BLOC1S5: variants seen among roughly 807,000 people sequenced by gnomAD.
The protein encoded by BLOC1S5 is biogenesis of lysosomal organelles complex 1 subunit 5, also known as biogenesis of lysosome-related organelles complex 1 subunit 5.
Under a neutral mutation model 24.3 loss-of-function variants are expected in BLOC1S5, and 27 were observed. The observed-to-expected ratio is 1.11, with a 90% CI of 0.82 to 1.53. BLOC1S5 has a LOEUF of 1.53. Among genes scored for constraint, BLOC1S5 ranks in the 40% most tolerant of loss-of-function variants. The pLI is 0.00. For missense variants in BLOC1S5, 239 were observed against 229.4 expected (o/e 1.04, Z -0.27); for synonymous variants, 84 against 74.5 (o/e 1.13, Z -0.66).
intron 3 of BLOC1S5, among the ~76,000 whole-genome samples, chr6:8,034,727 T>C (rs1217764366): frequency 6.6e-6 from 1 of 152,196 alleles, no homozygotes; most frequent in Non-Finnish European, 1.5e-5. Flanking sequence ...TGGAAGACAG[T>C]GTGGAGATTC....
chr6:8,057,000 T>C (rs1764332252), intron 2 of BLOC1S5, among the ~76,000 whole-genome samples: 1 of 152,192 alleles, frequency 6.6e-6, no homozygotes, highest in African/African-American at 2.4e-5. Flanking sequence ...TTGGATCACC[T>C]GAGGTCAGGA....
chr6:8,048,096 A>T (rs994138755), intron 2 of BLOC1S5, among the ~76,000 whole-genome samples: 10 of 152,214 alleles, frequency 6.6e-5, no homozygotes, highest in Non-Finnish European at 1.5e-4. Context: ...TTTTCAATCC[A>T]TTGCAGTATT....
intron 3 of BLOC1S5, among the ~76,000 whole-genome samples, chr6:8,040,726 C>T (rs915889960): frequency 6.6e-5 from 10 of 151,890 alleles, no homozygotes; most frequent in African/African-American, 1.7e-4. Context: ...CATGGTGAGA[C>T]GCACCTGTAG....
intron 2 of BLOC1S5, among the ~76,000 whole-genome samples, chr6:8,049,958 C>T (rs981439445): frequency 3.3e-5 from 5 of 152,126 alleles, no homozygotes; most frequent in Admixed American, 6.6e-5. Flanking sequence ...GCGATCCACC[C>T]ACCTCAGCCT....
intron 4 of BLOC1S5, 83 bp downstream of exon 4, chr6:8,026,284 A>G (rs1763100388): frequency 1.7e-6 from 2 of 1,154,552 alleles, no homozygotes; most frequent in Non-Finnish European, 2.6e-6. Flanking sequence ...CATTCAGAGA[A>G]TTTTCTGATC....
At chr6:8,064,140 C>A in intron 1 of BLOC1S5, 125 bp downstream of exon 1, 2 of 722,216 alleles carry the variant, frequency 2.8e-6, no homozygotes, top group Admixed American at 7.6e-5. Context: ...ACCACGACTC[C>A]CCCACCCGCA....
intron 3 of BLOC1S5, chr6:8,027,446 T>C (rs976953676): frequency 4.4e-6 from 2 of 456,646 alleles, no homozygotes; most frequent in East Asian, 6.9e-5. Context: ...AGAAGTGACA[T>C]AAAATTTAAA....
At chr6:8,026,032 A>G (rs2113527582) in intron 4 of BLOC1S5, among the ~76,000 whole-genome samples, 1 of 152,300 alleles carries the variant, frequency 6.6e-6, no homozygotes, top group Non-Finnish European at 1.5e-5. Context: ...AATATACTCA[A>G]TACTTCAGGC....
intron 2 of BLOC1S5, among the ~76,000 whole-genome samples, chr6:8,042,258 T>C (rs1246041110): frequency 1.3e-5 from 2 of 152,238 alleles, no homozygotes; most frequent in Non-Finnish European, 2.9e-5. Context: ...CTAACTATCA[T>C]ATAGCTTCTG....
chr6:8,047,557 T>C (rs1262397799), intron 2 of BLOC1S5, among the ~76,000 whole-genome samples: 2 of 152,192 alleles, frequency 1.3e-5, no homozygotes, highest in Non-Finnish European at 2.9e-5. Context: ...TATACTGCAA[T>C]TGATTAATAT....
chr6:8,027,510 G>A (rs1353772325), intron 3 of BLOC1S5: 1 of 448,536 alleles, frequency 2.2e-6, no homozygotes, highest in Non-Finnish European at 4.5e-6. Flanking sequence ...TATTAATAAT[G>A]ATAACCACTT....
chr6:8,034,974 T>C (rs576968726), intron 3 of BLOC1S5, among the ~76,000 whole-genome samples: 29 of 150,068 alleles, frequency 1.9e-4, no homozygotes, highest in South Asian at 4.2e-4. Flanking sequence ...CACACACACA[T>C]ACACATATAC....
chr6:8,047,774 AG>A (rs1337057512), intron 2 of BLOC1S5, among the ~76,000 whole-genome samples: 1 of 152,126 alleles, frequency 6.6e-6, no homozygotes, highest in Non-Finnish European at 1.5e-5. Flanking sequence ...GATCAAATTC[AG>A]GGTTCTGTTT....
intron 4 of BLOC1S5, among the ~76,000 whole-genome samples, chr6:8,018,939 C>T (rs539383562): frequency 6.6e-6 from 1 of 152,336 alleles, no homozygotes; most frequent in South Asian, 2.1e-4. Context: ...TCAATTTAAT[C>T]CTGGATGTAA....
intron 4 of BLOC1S5, among the ~76,000 whole-genome samples, chr6:8,016,739 A>G (rs1369426806): frequency 6.6e-6 from 1 of 151,702 alleles, no homozygotes; most frequent in African/African-American, 2.4e-5. Context: ...GGTGGCGTGC[A>G]CCTGTGATCC....
At chr6:8,052,910 G>A (rs1225662744) in intron 2 of BLOC1S5, among the ~76,000 whole-genome samples, 2 of 135,566 alleles carry the variant, frequency 1.5e-5, no homozygotes, top group African/African-American at 6.9e-5. Flanking sequence ...AAAAAAAAAA[G>A]AAGTGGAGCC....
chr6:8,027,691 G>A (rs1263907510), intron 3 of BLOC1S5, among the ~76,000 whole-genome samples: 2 of 152,026 alleles, frequency 1.3e-5, no homozygotes, highest in African/African-American at 4.8e-5. Flanking sequence ...AAAATTAGCT[G>A]GGAATAGTGG....
chr6:8,059,289 G>A (rs1228191084), intron 2 of BLOC1S5, among the ~76,000 whole-genome samples: 2 of 152,162 alleles, frequency 1.3e-5, no homozygotes, highest in East Asian at 1.9e-4. Flanking sequence ...AACAAAAAGA[G>A]AGCTTAAAAT....
chr6:8,022,243 T>TG (rs1320367004), intron 4 of BLOC1S5, among the ~76,000 whole-genome samples: 2 of 149,158 alleles, frequency 1.3e-5, no homozygotes, highest in South Asian at 2.2e-4. Context: ...GCTACTGGCA[T>TG]CTAGTAGGCA....
Sources: gnomAD v4.1 joint callset for allele counts (sites outside exome capture counted in the v4.1 genomes callset) on GRCh38, gnomAD v4.1.1 for gene constraint, MANE v1.5 for transcripts, NCBI Gene and HGNC (gene_info 2026-07-23, HGNC 2026-07-21) for gene names.